MAGI3: variants seen among roughly 807,000 people sequenced by gnomAD.
MAGI3 encodes the protein membrane associated guanylate kinase, WW and PDZ domain containing 3.
MAGI3 carries 43 observed loss-of-function variants against 121.8 expected under a neutral mutation model. The ratio of observed to expected loss-of-function variants is 0.35; its 90% confidence interval spans 0.28 to 0.46. MAGI3 has a LOEUF of 0.46. Ranked by LOEUF, MAGI3 falls within the 20% of genes least tolerant of loss-of-function variation. The probability of loss-of-function intolerance (pLI) is 1.00; values close to 1 mark genes in which losing one functional copy is unlikely to be tolerated. For missense variants in MAGI3, 1,547 were observed against 1,797.3 expected (o/e 0.86, Z 2.52); for synonymous variants, 553 against 639.3 (o/e 0.86, Z 2.04).
chr1:113,487,034 A>G (rs992476576), intron 1 of MAGI3, among the ~76,000 whole-genome samples: 3 of 152,158 alleles, frequency 2.0e-5, no homozygotes, highest in Admixed American at 2.0e-4. Context: ...GGTACGAATT[A>G]GGGGAAGGTT....
chr1:113,392,295 T>G (rs114120598), intron 1 of MAGI3, among the ~76,000 whole-genome samples: 34 of 152,308 alleles, frequency 2.2e-4, no homozygotes, highest in African/African-American at 7.7e-4. Context: ...GAATTGTGAT[T>G]GTAACATTAT....
intron 14 of MAGI3, among the ~76,000 whole-genome samples, chr1:113,652,580 G>A (rs1171352742): frequency 6.6e-6 from 1 of 151,504 alleles, no homozygotes; most frequent in Non-Finnish European, 1.5e-5. Context: ...CTCTTCCCTG[G>A]AAAGAATCAT....
intron 1 of MAGI3, chr1:113,403,739 C>G (rs1341294545): frequency 6.6e-6 from 1 of 152,192 alleles, no homozygotes; most frequent in Admixed American, 6.5e-5. Context: ...CAATGGGGCT[C>G]TGCTTTACTT....
intron 1 of MAGI3, among the ~76,000 whole-genome samples, chr1:113,538,389 A>G (rs1431971221): frequency 2.0e-5 from 3 of 152,220 alleles, no homozygotes; most frequent in African/African-American, 7.2e-5. Flanking sequence ...CGCTCCTGTC[A>G]AAAGGATGAA....
rs369130860 is a variant in MAGI3 at position 113,598,246 on chromosome 1, C to T, written c.1018+3686C>T. 3.5e-5 allele frequency among the ~76,000 whole-genome samples: 5 copies of T among 141,896 alleles called. No individual in the cohort carries two copies. In the South Asian group the frequency reaches 8.8e-4, roughly 25 times the overall value. The allele number at this position is 141,896 out of a possible 152,430, so 93.1% of individuals were successfully genotyped here. On this transcript the variant is annotated intron_variant, in intron 6 of 20. Transcript: ENST00000307546. The stretch of plus-strand genomic sequence containing the variant: ...CACCCCCCCTCCAAAAAAAAACTCA[C>T]AGGACCTATAAAGCAATAGCACAGT...
chr1:113,583,993 A>G (rs1224204427), intron 3 of MAGI3, among the ~76,000 whole-genome samples: 1 of 152,202 alleles, frequency 6.6e-6, no homozygotes, highest in Non-Finnish European at 1.5e-5. Context: ...AAACATGCAC[A>G]ATTTAAGGTA....
At chr1:113,643,370 C>G (rs78833898) in intron 10 of MAGI3, among the ~76,000 whole-genome samples, 2,510 of 152,210 alleles carry the variant, frequency 0.016, 36 homozygotes, top group Non-Finnish European at 0.028. Flanking sequence ...GTGGAATGTG[C>G]TCCAAGTAAG....
At chr1:113,487,446 T>G (rs536680445) in intron 1 of MAGI3, among the ~76,000 whole-genome samples, 10 of 152,306 alleles carry the variant, frequency 6.6e-5, no homozygotes, top group South Asian at 2.1e-4. Flanking sequence ...AAATTTTTTT[T>G]TGTGAAAAAT....
chr1:113,669,003 C>T (rs1192043145), intron 16 of MAGI3, among the ~76,000 whole-genome samples: 1 of 152,162 alleles, frequency 6.6e-6, no homozygotes, highest in East Asian at 1.9e-4. Flanking sequence ...TTCTATTGTC[C>T]TGCTCTGATG....
At chr1:113,639,624 G>A (rs1652320475) in intron 9 of MAGI3, among the ~76,000 whole-genome samples, 1 of 152,036 alleles carries the variant, frequency 6.6e-6, no homozygotes, top group Admixed American at 6.6e-5. Flanking sequence ...CTGGAGTGCA[G>A]TGCTGCGACC....
chr1:113,581,349 G>A (rs1648010840), intron 3 of MAGI3, among the ~76,000 whole-genome samples: 1 of 151,966 alleles, frequency 6.6e-6, no homozygotes, highest in African/African-American at 2.4e-5. Flanking sequence ...ATTATCTTCA[G>A]TGCCTAAAGA....
intron 1 of MAGI3, among the ~76,000 whole-genome samples, chr1:113,431,080 T>C (rs940092336): frequency 1.4e-4 from 22 of 152,148 alleles, no homozygotes; most frequent in Non-Finnish European, 2.6e-4. Context: ...TACACAGACC[T>C]AGTAGGTAAC....
At position 113,659,060 on chromosome 1, in the gene MAGI3, T is replaced by C; in HGVS notation, c.2630-20T>C. ...AGAAATCTTAAATAATTGAAAAACCTGGGGTTTTTTTTCCCATAGTTATTC... is the reference window on the plus strand; with the variant it reads ...AGAAATCTTAAATAATTGAAAAACCCGGGGTTTTTTTTCCCATAGTTATTC... On this transcript the variant is annotated intron_variant, in intron 15 of 20. Transcript: ENST00000307546. The C allele has an allele frequency of 6.4e-7, 1 of 1,561,556 alleles. No individual in the cohort carries two copies. Among genetic ancestry groups the C allele is most frequent in the South Asian group, 1.2e-5 (1 of 84,870 alleles).
intron 1 of MAGI3, among the ~76,000 whole-genome samples, chr1:113,478,703 C>T (rs538346933): frequency 6.6e-6 from 1 of 152,334 alleles, no homozygotes; most frequent in African/African-American, 2.4e-5. Flanking sequence ...ACGCAGGGAT[C>T]AGGGACCCAC....
rs1557839575 is a variant in MAGI3 at position 113,590,499 on chromosome 1, A to G, written c.779A>G (p.His260Arg). The change falls in exon 5 of 21, where the codon CAT (histidine) becomes CGT (arginine). Residue 260 changes from histidine (H) to arginine (R), a missense_variant. Physicochemically the swap from His to Arg is conservative, Grantham distance 29 (BLOSUM62 0). Coordinates refer to ENST00000307546, the MANE Select transcript of MAGI3 (RefSeq NM_001142782.2). ...GSGNAENRER[H>R]SESSDWMKTV... ...ACAATGGCAGAAAACAGAGAGAGGC[A>G]TTCTGAGTCATCTGACTGGATGAAG... The G allele has an allele frequency of 6.2e-7, 1 of 1,613,626 alleles. No individual in the cohort carries two copies. Among genetic ancestry groups the G allele is most frequent in the East Asian group, 2.2e-5 (1 of 44,866 alleles).
At chr1:113,398,001 AG>A (rs1279477897) in intron 1 of MAGI3, among the ~76,000 whole-genome samples, 26 of 152,152 alleles carry the variant, frequency 1.7e-4, no homozygotes, top group African/African-American at 6.0e-4. Flanking sequence ...TCCAGTGAGA[AG>A]GGTGGCATCA....
At chr1:113,682,346 T>C in intron 20 of MAGI3, 1 of 1,562,806 alleles carries the variant, frequency 6.4e-7, no homozygotes, top group Non-Finnish European at 8.6e-7. Context: ...TTTTGTTTTC[T>C]TTTAAATTAA....
chr1:113,461,553 C>T (rs958162813), intron 1 of MAGI3, among the ~76,000 whole-genome samples: 2 of 152,178 alleles, frequency 1.3e-5, no homozygotes, highest in African/African-American at 2.4e-5. Flanking sequence ...CCCTTCCTTG[C>T]ACCATATATA....
intron 1 of MAGI3, among the ~76,000 whole-genome samples, chr1:113,521,707 C>G (rs577719922): frequency 1.3e-4 from 20 of 152,240 alleles, no homozygotes; most frequent in African/African-American, 4.3e-4. Context: ...CACCCAGCCA[C>G]AGTTAGTGCT....
Sources: allele counts gnomAD v4.1 joint callset (sites outside exome capture counted in the v4.1 genomes callset), GRCh38; gene constraint gnomAD v4.1.1; transcripts MANE v1.5; gene names NCBI Gene and HGNC (gene_info 2026-07-23, HGNC 2026-07-21).